Variants in PPFIA1 observed in about 807,000 individuals in gnomAD.
PPFIA1 encodes PPFI scaffold protein A1.
PPFIA1 carries 25 observed loss-of-function variants against 149.9 expected under a neutral mutation model. The ratio of observed to expected loss-of-function variants is 0.17; its 90% CI spans 0.12 to 0.23. PPFIA1 has a LOEUF of 0.23. PPFIA1 is among the 10% of genes least tolerant of loss of function. The pLI, the probability that PPFIA1 is intolerant of heterozygous loss-of-function variation, is 1.00. For synonymous variants in PPFIA1, 549 were observed against 552.8 expected (o/e 0.99, Z 0.10); for missense variants, 1,362 against 1,506.5 (o/e 0.90, Z 1.59).
At chr11:70,354,641 A>T (rs987192178) in intron 17 of PPFIA1, among the ~76,000 whole-genome samples, 189 bp downstream of exon 17, 1 of 152,200 alleles carries the variant, frequency 6.6e-6, no homozygotes, top group Admixed American at 6.5e-5. Flanking sequence ...ATCCAGCAGA[A>T]GATGCATATC....
chr11:70,318,586 C>T (rs967865201), intron 2 of PPFIA1, among the ~76,000 whole-genome samples: 1 of 152,208 alleles, frequency 6.6e-6, no homozygotes, highest in Non-Finnish European at 1.5e-5. Flanking sequence ...TTTTCTTCCC[C>T]TTTACTGCAG....
chr11:70,334,131 T>C (rs1279265723), intron 10 of PPFIA1, among the ~76,000 whole-genome samples: 1 of 152,122 alleles, frequency 6.6e-6, no homozygotes, highest in Non-Finnish European at 1.5e-5. Context: ...TAAGATTGTT[T>C]TCCTGAAAGA....
chr11:70,362,292 G>T lies in PPFIA1; in HGVS notation c.2669G>T (p.Trp890Leu). The T allele has an allele frequency of 1.2e-6, 2 of 1,614,126 alleles. No homozygotes were observed. The highest frequency in any genetic ancestry group is 1.7e-6 in the Non-Finnish European group (2 of 1,179,958). ...GPTVVVWLEL[W>L]VGMPAWYVAA... ...CCTTCCGCTTTCCGCCTCCAGCTCT[G>T]GGTTGGGATGCCAGCCTGGTATGTG... The change falls in exon 21 of 28, where the codon TGG becomes TTG. Residue 890 changes from tryptophan (W) to leucine (L), a missense_variant. Physicochemically the swap from Trp to Leu is moderately conservative, Grantham distance 61 (BLOSUM62 -2). Transcript: ENST00000253925.
chr11:70,353,439 C>G (rs1324377418), intron 16 of PPFIA1, among the ~76,000 whole-genome samples: 1 of 152,136 alleles, frequency 6.6e-6, no homozygotes, highest in African/African-American at 2.4e-5. Context: ...TATAGTAATG[C>G]TTGCTGAACA....
intron 11 of PPFIA1, among the ~76,000 whole-genome samples, chr11:70,337,103 A>T (rs1591265042): frequency 6.6e-6 from 1 of 152,242 alleles, no homozygotes; most frequent in East Asian, 1.9e-4. Flanking sequence ...AGTTTAACTG[A>T]TTAAAATGAA....
chr11:70,298,477 GA>G (rs2052243187), intron 2 of PPFIA1, among the ~76,000 whole-genome samples: 1 of 152,196 alleles, frequency 6.6e-6, no homozygotes, highest in Non-Finnish European at 1.5e-5. Flanking sequence ...ACAAACCCAT[GA>G]ATGCCTGGCA....
intron 26 of PPFIA1, among the ~76,000 whole-genome samples, chr11:70,379,997 T>A (rs1006612768): frequency 6.6e-6 from 1 of 152,162 alleles, no homozygotes; most frequent in Non-Finnish European, 1.5e-5. Context: ...TCACCTGGAG[T>A]CCACGAGTGC....
intron 2 of PPFIA1, among the ~76,000 whole-genome samples, chr11:70,321,798 C>T (rs781206765): frequency 5.3e-5 from 8 of 152,206 alleles, no homozygotes; most frequent in Non-Finnish European, 1.0e-4. Context: ...AATTCAAGGT[C>T]CTGAATTCAG....
intron 11 of PPFIA1, among the ~76,000 whole-genome samples, chr11:70,336,219 C>T (rs1459890559): frequency 2.0e-5 from 3 of 152,152 alleles, no homozygotes; most frequent in Non-Finnish European, 4.4e-5. Flanking sequence ...AAGTTAATTT[C>T]TGGCTGGGCG....
chr11:70,291,824 C>T (rs2051542853), intron 2 of PPFIA1, among the ~76,000 whole-genome samples: 1 of 148,520 alleles, frequency 6.7e-6, no homozygotes, highest in Non-Finnish European at 1.5e-5. Flanking sequence ...GCATGTGTCA[C>T]CACGCCTGGC....
intron 16 of PPFIA1, among the ~76,000 whole-genome samples, chr11:70,348,847 G>A (rs2055874791): frequency 1.3e-5 from 2 of 151,996 alleles, no homozygotes; most frequent in Admixed American, 6.6e-5. Context: ...CTCCAGCCTG[G>A]GCAGCAGAGT....
intron 7 of PPFIA1, among the ~76,000 whole-genome samples, chr11:70,329,492 G>T (rs2054529411): frequency 6.6e-6 from 1 of 152,006 alleles, no homozygotes; most frequent in Admixed American, 6.6e-5. Context: ...TGTTACCCAG[G>T]CTGGAGTGCA....
At position 70,344,217 on chromosome 11, in the gene PPFIA1, C is replaced by T. The variant is rs754123455; in HGVS notation, c.1931+325C>T. Reference sequence around the variant, plus strand: ...GCTCAGCCCAGCTCCCACTGCCGTCCTGAAAGCTGCACCTGGAAGGCCACA... The same window carrying T: ...GCTCAGCCCAGCTCCCACTGCCGTCTTGAAAGCTGCACCTGGAAGGCCACA... On this transcript the variant is annotated intron_variant, in intron 15 of 27. Coordinates refer to ENST00000253925, the MANE Select transcript of PPFIA1 (RefSeq NM_003626.5). 3.3e-5 allele frequency among the ~76,000 whole-genome samples: 5 copies of T among 152,228 alleles called. No individual in the cohort carries two copies. In the East Asian group the frequency reaches 9.6e-4, roughly 29 times the overall value.
intron 16 of PPFIA1, among the ~76,000 whole-genome samples, chr11:70,350,219 C>T (rs1485468721): frequency 1.3e-5 from 2 of 152,036 alleles, no homozygotes; most frequent in East Asian, 3.8e-4. Context: ...AGTTTTTTTA[C>T]TCAAATTATG....
intron 12 of PPFIA1, 23 bp from the exon 13 acceptor site, chr11:70,338,351 G>A (rs2055107170): frequency 3.2e-6 from 5 of 1,575,822 alleles, no homozygotes; most frequent in Non-Finnish European, 4.4e-6. Context: ...TAGCAGTAAT[G>A]TAAGTCTTTT....
At chr11:70,309,310 C>T (rs992353842) in intron 2 of PPFIA1, among the ~76,000 whole-genome samples, 4 of 152,118 alleles carry the variant, frequency 2.6e-5, no homozygotes, top group African/African-American at 9.7e-5. Flanking sequence ...GCTGGGATTA[C>T]AGGCATGTGC....
At chr11:70,273,697 C>G (rs1277972410) in intron 2 of PPFIA1, among the ~76,000 whole-genome samples, 1 of 151,982 alleles carries the variant, frequency 6.6e-6, no homozygotes, top group Non-Finnish European at 1.5e-5. Flanking sequence ...GCTCTATGTT[C>G]CTTTTTTGTT....
At chr11:70,325,713 C>T (rs569789341) in intron 5 of PPFIA1, 139 bp downstream of exon 5, 11 of 601,630 alleles carry the variant, frequency 1.8e-5, no homozygotes, top group Admixed American at 2.9e-5. Flanking sequence ...GGGCGGATCA[C>T]CTGAGGTCAG....
intron 3 of PPFIA1, 34 bp from the exon 4 acceptor site, chr11:70,324,813 T>C: frequency 1.3e-6 from 2 of 1,492,768 alleles, no homozygotes; most frequent in South Asian, 2.5e-5. Context: ...AAAAATGCTG[T>C]TTAACAAGTC....
Sources: gnomAD v4.1 joint callset for allele counts (sites outside exome capture counted in the v4.1 genomes callset) on GRCh38, gnomAD v4.1.1 for gene constraint, MANE v1.5 for transcripts, NCBI Gene and HGNC (gene_info 2026-07-23, HGNC 2026-07-21) for gene names.